COL8A1: variants seen among roughly 807,000 people sequenced by gnomAD.
The protein encoded by COL8A1 is collagen alpha-1(VIII) chain.
A neutral mutation model predicts 42.7 loss-of-function variants in COL8A1; 21 were observed. The ratio of observed to expected loss-of-function variants is 0.49; its 90% CI spans 0.35 to 0.71. COL8A1 has a LOEUF of 0.71. COL8A1 is among the 30% of genes least tolerant of loss of function. The pLI is 0.01. For missense variants in COL8A1, 788 were observed against 962.4 expected, an observed-to-expected ratio of 0.82 and a Z score of 2.40; for synonymous variants, 367 against 369.1, an observed-to-expected ratio of 0.99 and a Z score of 0.06.
At chr3:99,754,683 A>T (rs1394198040) in intron 2 of COL8A1, among the ~76,000 whole-genome samples, 1 of 152,164 alleles carries the variant, frequency 6.6e-6, no homozygotes, top group East Asian at 1.9e-4. Flanking sequence ...GAACTCCTAC[A>T]GAAAGATCAC....
At chr3:99,786,741 C>T (rs141663544) in intron 2 of COL8A1, among the ~76,000 whole-genome samples, 219 of 152,290 alleles carry the variant, frequency 1.4e-3, no homozygotes, top group Non-Finnish European at 2.8e-3. Flanking sequence ...ATCTCCAATA[C>T]TCAGAACATT....
At chr3:99,710,960 A>G (rs1421357589) in intron 1 of COL8A1, among the ~76,000 whole-genome samples, 1 of 152,182 alleles carries the variant, frequency 6.6e-6, no homozygotes, top group Non-Finnish European at 1.5e-5. Context: ...GCTCCACTCC[A>G]GGGCCTTACC....
chr3:99,647,902 C>T (rs1199872119), intron 1 of COL8A1, among the ~76,000 whole-genome samples: 2 of 152,154 alleles, frequency 1.3e-5, no homozygotes, highest in African/African-American at 4.8e-5. Flanking sequence ...TAGGACATTA[C>T]TCTGGGAATT....
chr3:99,785,350 G>A (rs1337873500), intron 2 of COL8A1, among the ~76,000 whole-genome samples: 1 of 152,154 alleles, frequency 6.6e-6, no homozygotes, highest in Non-Finnish European at 1.5e-5. Context: ...TAAATATTGA[G>A]AAGTCAAATT....
intron 1 of COL8A1, among the ~76,000 whole-genome samples, chr3:99,739,994 A>G (rs1940852476): frequency 6.6e-6 from 1 of 152,162 alleles, no homozygotes; most frequent in Admixed American, 6.5e-5. Flanking sequence ...GATACCCTAA[A>G]TCATCTCTCT....
chr3:99,678,723 A>G (rs1015285090), intron 1 of COL8A1: 9 of 152,280 alleles, frequency 5.9e-5, no homozygotes, highest in Non-Finnish European at 7.4e-5. Context: ...GGTGTTACTA[A>G]TAGTTACTAG....
intron 2 of COL8A1, among the ~76,000 whole-genome samples, chr3:99,788,654 C>T (rs1182704048): frequency 6.6e-6 from 1 of 152,136 alleles, no homozygotes; most frequent in African/African-American, 2.4e-5. Context: ...ACATCCAAGT[C>T]ATATTTTAAT....
chr3:99,654,731 T>C (rs1937957840), intron 1 of COL8A1, among the ~76,000 whole-genome samples: 1 of 151,612 alleles, frequency 6.6e-6, no homozygotes, highest in East Asian at 1.9e-4. Flanking sequence ...GAGGCTGCAG[T>C]GAGCTGTAAT....
intron 1 of COL8A1, among the ~76,000 whole-genome samples, chr3:99,677,172 T>C (rs1419237860): frequency 6.6e-6 from 1 of 151,962 alleles, no homozygotes; most frequent in Non-Finnish European, 1.5e-5. Context: ...ACATCAATTT[T>C]AGCAGGTGTA....
At chr3:99,705,475 G>A (rs1389513791) in intron 1 of COL8A1, among the ~76,000 whole-genome samples, 1 of 152,090 alleles carries the variant, frequency 6.6e-6, no homozygotes, top group Non-Finnish European at 1.5e-5. Flanking sequence ...AGAGAGCACT[G>A]GAATCCAGAA....
chr3:99,728,202 G>T (rs1940395359), intron 1 of COL8A1, among the ~76,000 whole-genome samples: 1 of 152,024 alleles, frequency 6.6e-6, no homozygotes, highest in Non-Finnish European at 1.5e-5. Context: ...AAGTCAAATT[G>T]TCCCTGTTTG....
At chr3:99,681,008 A>C (rs1397846345) in intron 1 of COL8A1, among the ~76,000 whole-genome samples, 1 of 152,218 alleles carries the variant, frequency 6.6e-6, no homozygotes, top group Non-Finnish European at 1.5e-5. Context: ...TTGAAGACTT[A>C]AATGTTAGAC....
intron 2 of COL8A1, among the ~76,000 whole-genome samples, chr3:99,755,845 C>T (rs1272424959): frequency 6.6e-6 from 1 of 152,138 alleles, no homozygotes; most frequent in Non-Finnish European, 1.5e-5. Flanking sequence ...AGCCAGATCG[C>T]TTAGGTCTTG....
chr3:99,649,916 G>C (rs1338108756), intron 1 of COL8A1, among the ~76,000 whole-genome samples: 1 of 152,066 alleles, frequency 6.6e-6, no homozygotes. Context: ...CATATACCAG[G>C]TTACACAAAG....
chr3:99,738,305 T>G (rs1940794108), intron 1 of COL8A1, among the ~76,000 whole-genome samples: 1 of 152,220 alleles, frequency 6.6e-6, no homozygotes, highest in South Asian at 2.1e-4. Flanking sequence ...GGCACTCTGA[T>G]TTTTAGAGTT....
chr3:99,752,590 C>A (rs1379163410), intron 2 of COL8A1, among the ~76,000 whole-genome samples: 1 of 152,052 alleles, frequency 6.6e-6, no homozygotes, highest in Non-Finnish European at 1.5e-5. Context: ...GTTACCTAAT[C>A]CCTGATTGCA....
At chr3:99,666,091 T>C (rs892989252) in intron 1 of COL8A1, among the ~76,000 whole-genome samples, 2 of 152,146 alleles carry the variant, frequency 1.3e-5, no homozygotes, top group African/African-American at 4.8e-5. Context: ...GTGTGATGTC[T>C]GGAATCCTGA....
intron 1 of COL8A1, among the ~76,000 whole-genome samples, chr3:99,652,893 C>T (rs1369241303): frequency 6.6e-6 from 1 of 152,012 alleles, no homozygotes; most frequent in Non-Finnish European, 1.5e-5. Flanking sequence ...AATAAAATAC[C>T]TTAAATTATC....
intron 1 of COL8A1, among the ~76,000 whole-genome samples, chr3:99,681,815 T>C (rs1938890914): frequency 6.6e-6 from 1 of 152,178 alleles, no homozygotes; most frequent in South Asian, 2.1e-4. Context: ...GCTAAGTATA[T>C]TACATTGGTT....
Sources: gnomAD v4.1 joint callset for allele counts (sites outside exome capture counted in the v4.1 genomes callset) on GRCh38, gnomAD v4.1.1 for gene constraint, MANE v1.5 for transcripts, NCBI Gene and HGNC (gene_info 2026-07-23, HGNC 2026-07-21) for gene names.